PSD3: variants seen among roughly 807,000 people sequenced by gnomAD.
The protein encoded by PSD3 is pleckstrin and Sec7 domain containing 3.
Under a neutral mutation model 105.5 loss-of-function variants are expected in PSD3, and 49 were observed. The observed-to-expected ratio is 0.46, with a 90% CI of 0.37 to 0.59. The LOEUF (loss-of-function observed/expected upper bound fraction) is 0.59. Among genes scored for constraint, PSD3 ranks in the 20% least tolerant of loss-of-function variants. PSD3 has a pLI of 0.00. For missense variants in PSD3, 1,561 were observed against 1,263.8 expected (o/e 1.24, Z -3.57); for synonymous variants, 557 against 457.8 (o/e 1.22, Z -2.77).
chr8:18,776,127 G>A (rs1808047319), intron 8 of PSD3, among the ~76,000 whole-genome samples: 1 of 151,750 alleles, frequency 6.6e-6, no homozygotes, highest in Non-Finnish European at 1.5e-5. Context: ...GTATGTTCTT[G>A]GAGCCTTTGT....
At chr8:18,573,848 T>C (rs913546787) in intron 13 of PSD3, among the ~76,000 whole-genome samples, 4 of 152,110 alleles carry the variant, frequency 2.6e-5, no homozygotes, top group African/African-American at 9.7e-5. Flanking sequence ...TGGAAATGAT[T>C]CAAAACTAGA....
intron 9 of PSD3, chr8:18,734,217 A>T (rs1585769865): frequency 6.6e-6 from 1 of 152,176 alleles, no homozygotes; most frequent in East Asian, 1.9e-4. Context: ...TAGCCTTTGG[A>T]AAATTACTTT....
intron 2 of PSD3, among the ~76,000 whole-genome samples, chr8:18,887,911 A>T (rs1272023033): frequency 6.6e-6 from 1 of 152,202 alleles, no homozygotes; most frequent in African/African-American, 2.4e-5. Context: ...TATTTCTACC[A>T]GCAGCCCTGT....
At chr8:18,809,049 C>T (rs1311738905) in intron 4 of PSD3, among the ~76,000 whole-genome samples, 1 of 152,122 alleles carries the variant, frequency 6.6e-6, no homozygotes, top group African/African-American at 2.4e-5. Flanking sequence ...TGAGCCCAGC[C>T]TCGTTCACAC....
rs192937916 is a variant in PSD3 at position 18,655,734 on chromosome 8, C to G, written c.2173-49G>C. The G allele has an allele frequency of 5.8e-6, 9 of 1,560,734 alleles. No individual in the cohort carries two copies. In the East Asian group the frequency reaches 2.0e-4, roughly 35 times the overall value. ...ACATTATTCTTTCCATTCTGTTCCA[C>G]ATTTTGAATTCAGCAAATGACCAAG... is the stretch of plus-strand genomic sequence containing the variant. On this transcript the variant is annotated intron_variant, in intron 9 of 15. Coordinates refer to ENST00000327040, the MANE Select transcript of PSD3 (RefSeq NM_015310.4).
chr8:18,744,677 T>C (rs1804838051), intron 9 of PSD3, among the ~76,000 whole-genome samples: 1 of 152,224 alleles, frequency 6.6e-6, no homozygotes, highest in African/African-American at 2.4e-5. Flanking sequence ...AGTCTTCCCT[T>C]AATGTTAACA....
intron 9 of PSD3, among the ~76,000 whole-genome samples, chr8:18,759,054 C>T (rs1224200142): frequency 1.4e-5 from 2 of 144,398 alleles, no homozygotes; most frequent in African/African-American, 5.1e-5. Context: ...TACTGATTTA[C>T]ATCCTTTCAA....
At chr8:18,651,211 C>T (rs1351639764) in intron 10 of PSD3, among the ~76,000 whole-genome samples, 2 of 152,196 alleles carry the variant, frequency 1.3e-5, no homozygotes, top group South Asian at 2.1e-4. Flanking sequence ...CCAGGTAAGG[C>T]CCCAAGGCAT....
chr8:19,001,410 T>C (rs1370518664), intron 1 of PSD3, among the ~76,000 whole-genome samples: 2 of 150,684 alleles, frequency 1.3e-5, no homozygotes, highest in Admixed American at 1.3e-4. Context: ...ATGCACAGTT[T>C]CCCCCATTAT....
chr8:19,013,318 A>G (rs1335615166), intron 1 of PSD3, among the ~76,000 whole-genome samples: 1 of 152,004 alleles, frequency 6.6e-6, no homozygotes, highest in Non-Finnish European at 1.5e-5. Flanking sequence ...GAGGTTTTCA[A>G]AGCCGAGGTA....
intron 1 of PSD3, among the ~76,000 whole-genome samples, chr8:18,941,648 C>T (rs1388835986): frequency 6.7e-6 from 1 of 149,732 alleles, no homozygotes; most frequent in Non-Finnish European, 1.5e-5. Flanking sequence ...AAGATAAGCA[C>T]TACTGATGTA....
intron 10 of PSD3, among the ~76,000 whole-genome samples, chr8:18,638,870 G>C (rs1017021913): frequency 3.9e-5 from 6 of 152,154 alleles, no homozygotes; most frequent in African/African-American, 1.4e-4. Context: ...CATGATACTG[G>C]TATAAAAACA....
In PSD3 at chr8:18,527,867, G is replaced by A. The variant is rs564321505; in HGVS notation, c.*7876C>T. The A allele has an allele frequency of 6.6e-6, 1 of 152,228 alleles. No homozygotes were observed. The highest frequency in any genetic ancestry group is 1.5e-5 in the Non-Finnish European group (1 of 68,036). 9.4% of individuals were successfully genotyped at this position (152,228 alleles called of 1,614,324 possible). A position where few individuals can be genotyped will look rare whatever the true frequency, so the allele number is the denominator to read the frequency against. On this transcript the variant is annotated 3_prime_UTR_variant, in exon 16 of 16. Coordinates refer to ENST00000327040, the MANE Select transcript of PSD3 (RefSeq NM_015310.4). ...CCGACAGTTTCGCCATTGAAAAGGAGCAGGCTGCTATTTTGTCACTAATTA... is the reference window on the plus strand; with the variant it reads ...CCGACAGTTTCGCCATTGAAAAGGAACAGGCTGCTATTTTGTCACTAATTA...
intron 4 of PSD3, 127 bp from the exon 5 acceptor site, chr8:18,805,025 A>C (rs1034915345): frequency 1.2e-6 from 1 of 806,956 alleles, no homozygotes; most frequent in Admixed American, 3.2e-5. Flanking sequence ...TGTATGTTTA[A>C]ATATTCATAA....
At chr8:19,028,299 C>CCCTT (rs1563517980) in intron 1 of PSD3, among the ~76,000 whole-genome samples, 5 of 96,180 alleles carry the variant, frequency 5.2e-5, no homozygotes, top group African/African-American at 1.7e-4. Context: ...CCGGCCCACC[C>CCCTT]TTTTTTTTTT....
At chr8:18,984,817 C>T (rs1252511142) in intron 1 of PSD3, among the ~76,000 whole-genome samples, 3 of 152,174 alleles carry the variant, frequency 2.0e-5, no homozygotes, top group African/African-American at 7.2e-5. Context: ...CTGCAGTGCA[C>T]AAGGCAAAGA....
chr8:18,941,653 G>T (rs984062917), intron 1 of PSD3, among the ~76,000 whole-genome samples: 1 of 146,238 alleles, frequency 6.8e-6, no homozygotes, highest in Non-Finnish European at 1.5e-5. Flanking sequence ...AAGCACTACT[G>T]ATGTAGAATG....
chr8:19,054,518 G>A (rs1460849437), intron 1 of PSD3, among the ~76,000 whole-genome samples: 1 of 152,088 alleles, frequency 6.6e-6, no homozygotes, highest in Non-Finnish European at 1.5e-5. Flanking sequence ...TAATCATCTT[G>A]TCATGGATTC....
intron 12 of PSD3, among the ~76,000 whole-genome samples, chr8:18,596,301 G>C (rs955392528): frequency 6.6e-6 from 1 of 151,928 alleles, no homozygotes; most frequent in African/African-American, 2.4e-5. Context: ...CATTAGAAAA[G>C]AAGAAAGATT....
Sources: allele counts gnomAD v4.1 joint callset (sites outside exome capture counted in the v4.1 genomes callset), GRCh38; gene constraint gnomAD v4.1.1; transcripts MANE v1.5; gene names NCBI Gene and HGNC (gene_info 2026-07-23, HGNC 2026-07-21).